The following SNX29 variants were observed in gnomAD, a reference collection of about 807,000 sequenced individuals.
SNX29 encodes the protein sorting nexin-29.
A neutral mutation model predicts 102.1 loss-of-function variants in SNX29; 78 were observed. The observed-to-expected ratio is 0.76, with a 90% CI of 0.64 to 0.92. SNX29 has a LOEUF of 0.92. Among genes scored for constraint, SNX29 ranks in the 40% least tolerant of loss-of-function variants. The pLI, the probability that SNX29 is intolerant of heterozygous loss-of-function variation, is 0.00. For missense variants in SNX29, 1,280 were observed against 1,061.7 expected, an observed-to-expected ratio of 1.21 and a Z score of -2.86; for synonymous variants, 580 against 414.5, an observed-to-expected ratio of 1.40 and a Z score of -4.85.
chr16:12,494,041 C>G (rs551308043), intron 19 of SNX29, among the ~76,000 whole-genome samples: 2 of 152,156 alleles, frequency 1.3e-5, no homozygotes, highest in Admixed American at 6.5e-5. Context: ...TTATTTGTTT[C>G]TAGGATCATT....
At chr16:12,476,159 A>G (rs2087583853) in intron 18 of SNX29, among the ~76,000 whole-genome samples, 1 of 150,524 alleles carries the variant, frequency 6.6e-6, no homozygotes, top group Non-Finnish European at 1.5e-5. Context: ...TGTCTCTACT[A>G]AAAATACAAA....
chr16:12,068,982 G>A, intron 9 of SNX29, 75 bp from the exon 10 acceptor site: 8 of 1,401,252 alleles, frequency 5.7e-6, no homozygotes, highest in Non-Finnish European at 8.0e-6. Flanking sequence ...GCCAATGTCT[G>A]CATTGTGTCT....
rs1567414661 is a variant in SNX29, at chr16:12,301,598, AT to A, written c.1782+23563del. ...TTATTTTCCTGATTGAAATATCAGG[AT>A]CCCCAGTCTTCTCGATTACGTCGTT... On this transcript the variant is annotated intron_variant, in intron 15 of 20. Coordinates refer to ENST00000566228, the MANE Select transcript of SNX29 (RefSeq NM_032167.5). Among the ~76,000 whole-genome samples, 5 of 152,290 alleles carry A rather than the reference AT, an allele frequency of 3.3e-5. No homozygotes were observed. The South Asian group carries it at 1.0e-3, about 32-fold the overall frequency.
intron 18 of SNX29, among the ~76,000 whole-genome samples, chr16:12,469,591 A>G (rs56027462): frequency 0.17 from 25,578 of 152,140 alleles, 3,053 homozygotes; most frequent in African/African-American, 0.34. Context: ...CTGAGGTGGA[A>G]AAGATGTGGT....
At chr16:12,452,133 G>A (rs1481642369) in intron 18 of SNX29, among the ~76,000 whole-genome samples, 1 of 152,228 alleles carries the variant, frequency 6.6e-6, no homozygotes, top group Non-Finnish European at 1.5e-5. Context: ...AAATGAGGTA[G>A]AACAGCTGTA....
intron 11 of SNX29, among the ~76,000 whole-genome samples, chr16:12,095,471 C>T (rs1431112041): frequency 6.6e-6 from 1 of 152,056 alleles, no homozygotes; most frequent in Admixed American, 6.6e-5. Flanking sequence ...GGTGAGGTCG[C>T]GAGTGGTGGT....
intron 16 of SNX29, among the ~76,000 whole-genome samples, chr16:12,382,552 G>A (rs1016896820): frequency 6.6e-6 from 1 of 152,226 alleles, no homozygotes; most frequent in African/African-American, 2.4e-5. Context: ...GCAGGGCCTG[G>A]TGCTGAGCAT....
intron 15 of SNX29, among the ~76,000 whole-genome samples, chr16:12,285,302 C>G (rs1387557124): frequency 6.6e-6 from 1 of 152,196 alleles, no homozygotes; most frequent in East Asian, 1.9e-4. Context: ...ACTTGTGTAT[C>G]TTCTGCTTCA....
Position 12,568,576 on chromosome 16 carries a change from C to G in SNX29, c.2389C>G (p.Arg797Gly), listed in dbSNP as rs757599829. Residue 797 changes from arginine to glycine, a missense_variant, in exon 21 of 21, where the codon CGG becomes GGG. Physicochemically the swap from Arg to Gly is moderately radical, Grantham distance 125. Coordinates refer to ENST00000566228, the MANE Select transcript of SNX29 (RefSeq NM_032167.5). ...AGCTTCCCGCTTCCCCAAACTGTCC[C>G]GGGGTCAGCCCCGGGAGACCCGCAA... ...KAASRFPKLS[R>G]GQPRETRNVE... 3.1e-6 allele frequency: 5 copies of G among 1,607,726 alleles called. No homozygotes were observed. The highest frequency in any genetic ancestry group is 4.2e-6 in the Non-Finnish European group (5 of 1,179,830).
At chr16:12,499,665 G>C (rs1309786713) in intron 19 of SNX29, among the ~76,000 whole-genome samples, 1 of 152,100 alleles carries the variant, frequency 6.6e-6, no homozygotes, top group Admixed American at 6.6e-5. Context: ...CCCACAATCT[G>C]CATTCATTTA....
chr16:12,523,983 T>A (rs2090199627), intron 19 of SNX29, among the ~76,000 whole-genome samples: 1 of 151,980 alleles, frequency 6.6e-6, no homozygotes, highest in Non-Finnish European at 1.5e-5. Context: ...GCCTCCCGGG[T>A]TCAAGTGATT....
intron 14 of SNX29, among the ~76,000 whole-genome samples, chr16:12,273,153 G>A (rs970805680): frequency 1.3e-5 from 2 of 151,906 alleles, no homozygotes; most frequent in African/African-American, 4.8e-5. Context: ...ACTGTAGGCC[G>A]CCTCCCGCTT....
chr16:12,344,970 T>G (rs537180530), intron 15 of SNX29, among the ~76,000 whole-genome samples: 1 of 152,370 alleles, frequency 6.6e-6, no homozygotes, highest in South Asian at 2.1e-4. Context: ...GTGATGGAAC[T>G]ATAATTACAC....
chr16:12,543,925 G>A (rs546172314), intron 20 of SNX29, among the ~76,000 whole-genome samples: 43 of 152,258 alleles, frequency 2.8e-4, no homozygotes, highest in African/African-American at 8.7e-4. Context: ...GGTGGAATCC[G>A]GCACCCTCTC....
chr16:12,383,777 T>C (rs1468032736), intron 16 of SNX29, among the ~76,000 whole-genome samples: 3 of 149,114 alleles, frequency 2.0e-5, no homozygotes, highest in Admixed American at 1.3e-4. Context: ...ACTTTCTTTT[T>C]TTTTTTTTTT....
At chr16:11,981,651 G>A (rs183420328) in intron 1 of SNX29, among the ~76,000 whole-genome samples, 1 of 152,142 alleles carries the variant, frequency 6.6e-6, no homozygotes, top group East Asian at 1.9e-4. Context: ...AAATATTTGA[G>A]TAGAGTCAGA....
intron 13 of SNX29, among the ~76,000 whole-genome samples, chr16:12,137,522 C>T (rs766769269): frequency 1.3e-5 from 2 of 152,220 alleles, no homozygotes; most frequent in South Asian, 4.1e-4. Flanking sequence ...AGATTGAGAA[C>T]TGTACTGTAC....
At chr16:12,201,231 A>G (rs571461269) in intron 14 of SNX29, among the ~76,000 whole-genome samples, 1 of 152,094 alleles carries the variant, frequency 6.6e-6, no homozygotes, top group Non-Finnish European at 1.5e-5. Flanking sequence ...AGATATTGCT[A>G]TTATGGCCCT....
chr16:12,538,115 CTTGCATTTTTTT>C (rs2077159893), intron 20 of SNX29, among the ~76,000 whole-genome samples: 1 of 123,516 alleles, frequency 8.1e-6, no homozygotes, highest in African/African-American at 3.2e-5. Context: ...TGCATTTCCC[CTTGCATTTTTTT>C]ATTTTTGAGA....
Sources: gnomAD v4.1 joint callset for allele counts (sites outside exome capture counted in the v4.1 genomes callset) on GRCh38, gnomAD v4.1.1 for gene constraint, MANE v1.5 for transcripts, NCBI Gene and HGNC (gene_info 2026-07-23, HGNC 2026-07-21) for gene names.